The following SSBP2 variants were observed in gnomAD, a reference collection of about 807,000 sequenced individuals.
SSBP2 encodes single-stranded DNA-binding protein 2.
In SSBP2, 17 loss-of-function variants were observed where a neutral mutation model predicts 61.8. That is an observed-to-expected ratio of 0.28 (90% CI 0.19 to 0.41). The LOEUF (loss-of-function observed/expected upper bound fraction) is 0.41. Ranked by LOEUF, SSBP2 falls within the 10% of genes least tolerant of loss-of-function variation. SSBP2 has a pLI of 1.00. For missense variants in SSBP2, 310 were observed against 458.7 expected (o/e 0.68, Z 2.96); for synonymous variants, 139 against 141.3 (o/e 0.98, Z 0.12).
At position 81,609,472 on chromosome 5, in the gene SSBP2, T is replaced by C. The variant is rs1300674117; in HGVS notation, c.282+6001A>G. Among the ~76,000 whole-genome samples the C allele has an allele frequency of 6.0e-4, 91 of 152,336 alleles. 2 individuals carry two copies. Among genetic ancestry groups the C allele is most frequent in the South Asian group, 2.1e-4 (1 of 4,832 alleles). ...TAACTCTTGATGTACACAGCTCGTA[T>C]ACCTTTCCAAACAGATTATGAACCC... On this transcript the variant is annotated intron_variant, in intron 4 of 16. Transcript: ENST00000320672.
chr5:81,739,646 A>AT (rs1301351422), intron 1 of SSBP2, among the ~76,000 whole-genome samples: 2 of 152,134 alleles, frequency 1.3e-5, no homozygotes, highest in Non-Finnish European at 2.9e-5. Context: ...GACGGTTAAC[A>AT]TTTTTTTAAT....
intron 15 of SSBP2, among the ~76,000 whole-genome samples, chr5:81,436,148 A>G (rs1179530471): frequency 1.4e-5 from 2 of 138,734 alleles, no homozygotes; most frequent in Admixed American, 1.6e-4. Context: ...AGATTGCACC[A>G]CTGCACTCTA....
intron 14 of SSBP2, among the ~76,000 whole-genome samples, chr5:81,438,791 T>C (rs1762830944): frequency 6.6e-6 from 1 of 152,186 alleles, no homozygotes; most frequent in South Asian, 2.1e-4. Context: ...GTGAATTATT[T>C]TGCAATAAAT....
chr5:81,423,330 C>A (rs531827609), intron 16 of SSBP2, among the ~76,000 whole-genome samples: 2 of 152,286 alleles, frequency 1.3e-5, no homozygotes, highest in African/African-American at 4.8e-5. Flanking sequence ...ATTAATAGGG[C>A]AGCTAGATAA....
chr5:81,640,062 A>T (rs1459271106), intron 2 of SSBP2, among the ~76,000 whole-genome samples: 5 of 152,206 alleles, frequency 3.3e-5, no homozygotes, highest in Admixed American at 2.6e-4. Context: ...TGAAGATTAG[A>T]AATGGGGCCA....
At chr5:81,479,421 GC>G (rs1765818818) in intron 6 of SSBP2, among the ~76,000 whole-genome samples, 4 of 152,020 alleles carry the variant, frequency 2.6e-5, no homozygotes, top group Non-Finnish European at 4.4e-5. Context: ...CTCCTTAGTA[GC>G]TGGGATCACA....
chr5:81,501,268 T>TATATATATATATAC (rs1205403428), intron 5 of SSBP2, among the ~76,000 whole-genome samples: 1 of 35,778 alleles, frequency 2.8e-5, no homozygotes, highest in Non-Finnish European at 5.2e-5. Flanking sequence ...TATATATATA[T>TATATATATATATAC]ACACACACAC....
At chr5:81,489,139 T>A in intron 6 of SSBP2, 111 bp downstream of exon 6, 4 of 989,382 alleles carry the variant, frequency 4.0e-6, no homozygotes, top group Non-Finnish European at 6.1e-6. Context: ...GAAATAGCAT[T>A]AAATGGGACA....
In SSBP2 at chr5:81,417,554, C is replaced by T. The variant is rs911231425; in HGVS notation, c.*2950G>A. Reference sequence around the variant, plus strand: ...AATAACACTAGGAACAGGTAGTATACATCAAGACCAACACGAATGCATTGA... The same window carrying T: ...AATAACACTAGGAACAGGTAGTATATATCAAGACCAACACGAATGCATTGA... On this transcript the variant is annotated 3_prime_UTR_variant, in exon 17 of 17. Coordinates refer to ENST00000320672, the MANE Select transcript of SSBP2 (RefSeq NM_012446.5). The T allele has an allele frequency of 2.0e-5, 3 of 152,070 alleles. No individual in the cohort carries two copies. Among genetic ancestry groups the T allele is most frequent in the African/African-American group, 7.2e-5 (3 of 41,390 alleles). 9.4% of individuals were successfully genotyped at this position (152,070 alleles called of 1,614,324 possible).
chr5:81,734,041 A>C (rs1177227303), intron 1 of SSBP2, among the ~76,000 whole-genome samples: 3 of 152,242 alleles, frequency 2.0e-5, no homozygotes, highest in Non-Finnish European at 4.4e-5. Context: ...ACTTATTTAA[A>C]GTAAATGGAC....
At chr5:81,547,635 TTTTTTG>T (rs1398636429) in intron 4 of SSBP2, among the ~76,000 whole-genome samples, 1 of 152,048 alleles carries the variant, frequency 6.6e-6, no homozygotes, top group Non-Finnish European at 1.5e-5. Flanking sequence ...TCTAGCTAAT[TTTTTTG>T]TTTTTATTTT....
intron 4 of SSBP2, among the ~76,000 whole-genome samples, chr5:81,604,734 T>G (rs1561594714): frequency 6.6e-6 from 1 of 152,152 alleles, no homozygotes; most frequent in Non-Finnish European, 1.5e-5. Context: ...CCAGAGTAAG[T>G]TCAATTTGGC....
chr5:81,520,321 T>C (rs866027058), intron 4 of SSBP2, among the ~76,000 whole-genome samples: 46 of 152,198 alleles, frequency 3.0e-4, no homozygotes, highest in Non-Finnish European at 1.0e-4. Context: ...AATATAAAAC[T>C]ACAAATTTGG....
At chr5:81,634,391 CT>C (rs1339308009) in intron 3 of SSBP2, among the ~76,000 whole-genome samples, 3 of 152,098 alleles carry the variant, frequency 2.0e-5, no homozygotes, top group Non-Finnish European at 4.4e-5. Flanking sequence ...CAATGTATTT[CT>C]TAAATGTATT....
At chr5:81,470,140 A>G (rs550520787) in intron 8 of SSBP2, among the ~76,000 whole-genome samples, 1 of 151,910 alleles carries the variant, frequency 6.6e-6, no homozygotes. Context: ...TTTGGAAATC[A>G]TAAGTTTCTA....
rs941252885 is a variant in SSBP2, at chr5:81,416,930, C to T, written c.*3574G>A. 34 of 152,300 alleles carry T rather than the reference C, an allele frequency of 2.2e-4. No homozygotes were observed. The highest frequency in any genetic ancestry group is 6.7e-4 in the African/African-American group (28 of 41,520). The allele number at this position is 152,300 out of a possible 1,614,324, so 9.4% of individuals were successfully genotyped here. The stretch of plus-strand genomic sequence containing the variant: ...AGGCTGGAGTGCAGTGGCACAATCT[C>T]GGCTCACTGCAACCTCCGCCTCCTG... On this transcript the variant is annotated 3_prime_UTR_variant, in exon 17 of 17. Transcript: ENST00000320672.
intron 4 of SSBP2, among the ~76,000 whole-genome samples, chr5:81,583,766 A>T (rs1774863254): frequency 6.6e-6 from 1 of 152,158 alleles, no homozygotes; most frequent in Non-Finnish European, 1.5e-5. Context: ...TCTAATGAAC[A>T]ACTTCTTCGC....
chr5:81,512,573 G>A (rs946887271), intron 5 of SSBP2, among the ~76,000 whole-genome samples: 10 of 152,126 alleles, frequency 6.6e-5, no homozygotes, highest in African/African-American at 2.4e-4. Flanking sequence ...GACTACTTGG[G>A]TATTAATACA....
intron 4 of SSBP2, among the ~76,000 whole-genome samples, chr5:81,571,641 T>G (rs1773850836): frequency 6.6e-6 from 1 of 152,168 alleles, no homozygotes; most frequent in Non-Finnish European, 1.5e-5. Flanking sequence ...TAAAGTAGAT[T>G]ATAACATTCA....
Sources: allele counts gnomAD v4.1 joint callset (sites outside exome capture counted in the v4.1 genomes callset), GRCh38; gene constraint gnomAD v4.1.1; transcripts MANE v1.5; gene names NCBI Gene and HGNC (gene_info 2026-07-23, HGNC 2026-07-21).